The following DMGDH variants were observed in gnomAD, a reference collection of about 807,000 sequenced individuals.
DMGDH encodes dimethylglycine dehydrogenase.
DMGDH carries 76 observed loss-of-function variants against 95.2 expected under a neutral mutation model. The observed-to-expected ratio is 0.80, with a 90% CI of 0.66 to 0.97. The LOEUF (loss-of-function observed/expected upper bound fraction) is 0.97. DMGDH is among the 50% of genes least tolerant of loss of function. The pLI is 0.00. For synonymous variants in DMGDH, 345 were observed against 377.6 expected (o/e 0.91, Z 1.00); for missense variants, 987 against 1,055.0 (o/e 0.94, Z 0.89).
chr5:79,018,411 G>A (rs1356453845), intron 14 of DMGDH, among the ~76,000 whole-genome samples: 2 of 151,830 alleles, frequency 1.3e-5, no homozygotes, highest in African/African-American at 2.4e-5. Flanking sequence ...CACAAAAAAA[G>A]TATATACTCT....
chr5:79,011,818 G>A (rs570727290), intron 14 of DMGDH, among the ~76,000 whole-genome samples: 1 of 152,254 alleles, frequency 6.6e-6, no homozygotes, highest in African/African-American at 2.4e-5. Flanking sequence ...ACAGTACCAA[G>A]GGGGATTGTG....
intron 2 of DMGDH, among the ~76,000 whole-genome samples, chr5:79,063,193 T>A (rs1755260921): frequency 6.6e-6 from 1 of 152,150 alleles, no homozygotes; most frequent in Non-Finnish European, 1.5e-5. Flanking sequence ...TGGGCCCATA[T>A]CCAGGCTCAC....
Position 78,997,956 on chromosome 5 carries a change from TA to T in DMGDH, c.*125del. 2.0e-6 allele frequency: 2 copies of T among 1,007,902 alleles called. No individual in the cohort carries two copies. The highest frequency in any genetic ancestry group is 3.0e-6 in the Non-Finnish European group (2 of 669,396). 62.4% of individuals were successfully genotyped at this position (1,007,902 alleles called of 1,614,324 possible). A position where few individuals can be genotyped will look rare whatever the true frequency, so the allele number is the denominator to read the frequency against. ...TAACAGAAAGGTTTCATTAAGATTC[TA>T]AATTTAGACTTTGATGATTTTGAAA... On this transcript the variant is annotated 3_prime_UTR_variant, in exon 16 of 16. Transcript: ENST00000255189.
chr5:79,063,344 G>A (rs1420533983), intron 2 of DMGDH, among the ~76,000 whole-genome samples: 2 of 152,094 alleles, frequency 1.3e-5, no homozygotes, highest in Non-Finnish European at 2.9e-5. Flanking sequence ...ATCAGAAAAT[G>A]GAAACTTATG....
chr5:79,026,188 A>G (rs1159643892), intron 13 of DMGDH, among the ~76,000 whole-genome samples: 8 of 152,224 alleles, frequency 5.3e-5, no homozygotes. Flanking sequence ...ACAGTTATCT[A>G]GGGCTGTCAG....
chr5:79,021,079 G>C (rs1040987801), intron 14 of DMGDH: 6 of 986,136 alleles, frequency 6.1e-6, no homozygotes, highest in South Asian at 4.7e-5. Context: ...ACAATGATAT[G>C]AGTCGTTTCA....
At chr5:79,065,219 C>CT (rs35123793) in intron 1 of DMGDH, among the ~76,000 whole-genome samples, 1,322 of 129,612 alleles carry the variant, frequency 0.01, 21 homozygotes, top group African/African-American at 0.03. Context: ...TTTTCTTTTC[C>CT]TTTTTTTTTT....
At chr5:79,028,315 T>C in intron 12 of DMGDH, 118 bp downstream of exon 12, 4 of 856,564 alleles carry the variant, frequency 4.7e-6, no homozygotes, top group South Asian at 1.6e-5. Context: ...AGTGTGAGTG[T>C]GCACATGCAT....
intron 13 of DMGDH, 105 bp downstream of exon 13, chr5:79,026,319 T>G (rs1753999091): frequency 7.0e-7 from 1 of 1,434,040 alleles, no homozygotes; most frequent in Non-Finnish European, 9.7e-7. Flanking sequence ...TGATATGTAA[T>G]TTCTCTTACA....
chr5:79,050,686 C>G (rs1207026798), intron 5 of DMGDH, among the ~76,000 whole-genome samples: 1 of 152,234 alleles, frequency 6.6e-6, no homozygotes, highest in Non-Finnish European at 1.5e-5. Context: ...AGTAACATGA[C>G]CCTTTTGGAC....
chr5:79,018,008 A>G (rs950912185), intron 14 of DMGDH, among the ~76,000 whole-genome samples: 3 of 152,252 alleles, frequency 2.0e-5, no homozygotes, highest in African/African-American at 7.2e-5. Flanking sequence ...AACAAATTGT[A>G]GTATATCCAT....
chr5:79,049,043 G>C (rs1754760545), intron 5 of DMGDH, among the ~76,000 whole-genome samples: 1 of 152,152 alleles, frequency 6.6e-6, no homozygotes, highest in Admixed American at 6.5e-5. Context: ...ACCACTCCAT[G>C]CAGGGCCACA....
chr5:79,069,666 G>C lies in DMGDH; in HGVS notation c.-46C>G. ...CGCAGGCGCCTGCTCCGAGGCCAGC[G>C]GGCAGCCTGAGGCCGCGGGGCCGGC... On this transcript the variant is annotated 5_prime_UTR_variant, in exon 1 of 16. Coordinates refer to ENST00000255189, the MANE Select transcript of DMGDH (RefSeq NM_013391.3). 7.7e-7 allele frequency: 1 copy of C among 1,297,306 alleles called. No homozygotes were observed. Among genetic ancestry groups the C allele is most frequent in the Non-Finnish European group, 9.7e-7 (1 of 1,027,118 alleles). 80.4% of individuals were successfully genotyped at this position (1,297,306 alleles called of 1,614,324 possible).
intron 14 of DMGDH, among the ~76,000 whole-genome samples, chr5:79,011,877 C>G (rs1033774717): frequency 5.3e-5 from 8 of 152,160 alleles, no homozygotes; most frequent in Non-Finnish European, 1.2e-4. Flanking sequence ...CACCTCTCAT[C>G]AGGCCCCACC....
chr5:79,061,538 T>C (rs1755210387), intron 2 of DMGDH, among the ~76,000 whole-genome samples: 1 of 152,168 alleles, frequency 6.6e-6, no homozygotes, highest in Non-Finnish European at 1.5e-5. Context: ...ATATTTTGCG[T>C]AGTTAACTTT....
intron 14 of DMGDH, among the ~76,000 whole-genome samples, chr5:79,019,253 A>C (rs1753804611): frequency 6.6e-6 from 1 of 152,202 alleles, no homozygotes; most frequent in Non-Finnish European, 1.5e-5. Flanking sequence ...TTCTAAAAGA[A>C]AAAACAAAGA....
Position 79,051,466 on chromosome 5 carries a change from C to G in DMGDH, c.566G>C (p.Gly189Ala). The G allele has an allele frequency of 6.2e-7, 1 of 1,614,092 alleles. No individual in the cohort carries two copies. Among genetic ancestry groups the G allele is most frequent in the Non-Finnish European group, 8.5e-7 (1 of 1,179,994 alleles). Residue 189 changes from glycine to alanine, a missense_variant, in exon 5 of 16, where the codon GGA (glycine) becomes GCA (alanine). Gly to Ala is a moderately conservative substitution (Grantham distance 60). Coordinates refer to ENST00000255189, the MANE Select transcript of DMGDH (RefSeq NM_013391.3). ...NKVLAGLYNP[G>A]DGHIDPYSLT... is the part of the protein sequence containing the mutation. ...AGAATAAGGATCAATGTGACCATCT[C>G]CAGGATTATACAATCCAGCTAAAAC...
chr5:79,025,202 G>A (rs1753965805), intron 13 of DMGDH, among the ~76,000 whole-genome samples: 1 of 152,226 alleles, frequency 6.6e-6, no homozygotes, highest in Admixed American at 6.5e-5. Context: ...ACGGGAGAAG[G>A]AGAAAAGCTC....
chr5:79,008,181 G>A (rs1281895823), intron 14 of DMGDH, among the ~76,000 whole-genome samples: 1 of 152,154 alleles, frequency 6.6e-6, no homozygotes, highest in Admixed American at 6.5e-5. Context: ...CAAACAAATA[G>A]AAGCTTTGAT....
Sources: gnomAD v4.1 joint callset for allele counts (sites outside exome capture counted in the v4.1 genomes callset) on GRCh38, gnomAD v4.1.1 for gene constraint, MANE v1.5 for transcripts, NCBI Gene and HGNC (gene_info 2026-07-23, HGNC 2026-07-21) for gene names.